PCLO: variants seen among roughly 807,000 people sequenced by gnomAD.
The protein encoded by PCLO is piccolo presynaptic cytomatrix protein.
A neutral mutation model predicts 427.5 loss-of-function variants in PCLO; 82 were observed. The ratio of observed to expected loss-of-function variants is 0.19; its 90% confidence interval spans 0.16 to 0.23. The LOEUF is 0.23. PCLO is among the 10% of genes least tolerant of loss of function. The pLI, the probability that PCLO is intolerant of heterozygous loss-of-function variation, is 1.00. For missense variants in PCLO, 6,239 were observed against 6,115.9 expected (o/e 1.02, Z -0.67); for synonymous variants, 2,357 against 2,155.4 (o/e 1.09, Z -2.59).
In PCLO at chr7:83,043,912, CTTTT is replaced by C. The variant is rs869061778; in HGVS notation, c.3301-77429_3301-77426del. On this transcript the variant is annotated intron_variant, in intron 3 of 24. Coordinates refer to ENST00000333891, the MANE Select transcript of PCLO (RefSeq NM_033026.6). The stretch of plus-strand genomic sequence containing the variant: ...AACTCAATCTTATTACTATTATTTT[CTTTT>C]TTTTTTTTTTTTTTTTTTTGCATTC... Among the ~76,000 whole-genome samples, 90 of 94,916 alleles carry C rather than the reference CTTTT, an allele frequency of 9.5e-4. 2 individuals are homozygous for C. Among genetic ancestry groups the C allele is most frequent in the Admixed American group, 9.0e-3 (65 of 7,210 alleles). The allele number at this position is 94,916 out of a possible 152,430, so 62.3% of individuals were successfully genotyped here. A position where few individuals can be genotyped will look rare whatever the true frequency, so the allele number is the denominator to read the frequency against.
intron 9 of PCLO, among the ~76,000 whole-genome samples, chr7:82,894,051 T>C (rs541984092): frequency 1.3e-5 from 2 of 152,136 alleles, no homozygotes; most frequent in African/African-American, 4.8e-5. Flanking sequence ...CAAAACAATT[T>C]TGAGAATGAG....
At chr7:82,938,630 T>G (rs1214340594) in intron 6 of PCLO, among the ~76,000 whole-genome samples, 3 of 151,952 alleles carry the variant, frequency 2.0e-5, no homozygotes, top group Non-Finnish European at 4.4e-5. Flanking sequence ...AAACATTTAC[T>G]TAAAGACTAT....
At chr7:82,967,879 G>A (rs1425771763) in intron 3 of PCLO, among the ~76,000 whole-genome samples, 5 of 152,298 alleles carry the variant, frequency 3.3e-5, no homozygotes, top group African/African-American at 7.2e-5. Flanking sequence ...CAGGGTTAGA[G>A]TGTCATACAA....
At chr7:83,088,172 T>C (rs916262131) in intron 3 of PCLO, among the ~76,000 whole-genome samples, 3 of 152,198 alleles carry the variant, frequency 2.0e-5, no homozygotes, top group Admixed American at 6.5e-5. Flanking sequence ...TTTAGTGAAA[T>C]GCCAACTTGT....
At chr7:83,101,602 AGTGT>A (rs971170365) in intron 3 of PCLO, among the ~76,000 whole-genome samples, 10 of 152,142 alleles carry the variant, frequency 6.6e-5, no homozygotes, top group African/African-American at 2.4e-4. Context: ...ACAGTTGATG[AGTGT>A]TAGTTAGCTA....
chr7:82,870,467 C>T (rs572671687), intron 10 of PCLO, among the ~76,000 whole-genome samples: 4 of 152,028 alleles, frequency 2.6e-5, no homozygotes, highest in Admixed American at 6.6e-5. Flanking sequence ...AATTTAAGAC[C>T]TGAGCTTATG....
chr7:82,847,340 C>A, intron 10 of PCLO, 93 bp from the exon 11 acceptor site: 2 of 659,492 alleles, frequency 3.0e-6, no homozygotes, highest in South Asian at 3.7e-5. Flanking sequence ...ATTTAGAAGT[C>A]AACTCAGCAC....
intron 9 of PCLO, among the ~76,000 whole-genome samples, chr7:82,899,178 C>T (rs1314785438): frequency 1.3e-5 from 2 of 151,232 alleles, no homozygotes; most frequent in Admixed American, 6.6e-5. Context: ...TTAAAAAATA[C>T]ATAAACTCAA....
At chr7:83,096,325 C>A (rs1473585318) in intron 3 of PCLO, among the ~76,000 whole-genome samples, 3 of 152,052 alleles carry the variant, frequency 2.0e-5, no homozygotes, top group Non-Finnish European at 4.4e-5. Context: ...TCCACATCTG[C>A]ACTTCAGAAA....
At chr7:82,846,146 A>G (rs1301063883) in intron 12 of PCLO, among the ~76,000 whole-genome samples, 1 of 152,098 alleles carries the variant, frequency 6.6e-6, no homozygotes, top group Non-Finnish European at 1.5e-5. Context: ...TGTTTACTAT[A>G]AAAAGGCAAT....
At chr7:83,057,081 CAT>C (rs34120621) in intron 3 of PCLO, among the ~76,000 whole-genome samples, 12 of 149,252 alleles carry the variant, frequency 8.0e-5, no homozygotes, top group South Asian at 6.3e-4. Flanking sequence ...TTTCTTTAAC[CAT>C]ATATATATAT....
intron 6 of PCLO, among the ~76,000 whole-genome samples, chr7:82,932,504 A>C (rs1794862392): frequency 6.6e-6 from 1 of 152,162 alleles, no homozygotes; most frequent in African/African-American, 2.4e-5. Context: ...GAATGTTTAC[A>C]TGTTATTGCC....
intron 6 of PCLO, among the ~76,000 whole-genome samples, chr7:82,926,446 T>A (rs1794714205): frequency 6.6e-6 from 1 of 152,192 alleles, no homozygotes; most frequent in Admixed American, 6.5e-5. Context: ...AACTAAATTA[T>A]AGGACCCTAT....
intron 3 of PCLO, among the ~76,000 whole-genome samples, chr7:83,011,297 A>T (rs1788070999): frequency 6.6e-6 from 1 of 151,626 alleles, no homozygotes; most frequent in African/African-American, 2.4e-5. Flanking sequence ...GCTAAATTTT[A>T]TATTTTTTTC....
At chr7:83,013,999 C>G (rs1788148621) in intron 3 of PCLO, among the ~76,000 whole-genome samples, 1 of 152,042 alleles carries the variant, frequency 6.6e-6, no homozygotes, top group African/African-American at 2.4e-5. Context: ...CCACTAGCAC[C>G]TGCAAAACAA....
chr7:83,023,354 A>G (rs545163864), intron 3 of PCLO, among the ~76,000 whole-genome samples: 1 of 152,346 alleles, frequency 6.6e-6, no homozygotes, highest in African/African-American at 2.4e-5. Context: ...ACCCAGAAAC[A>G]ATTCGAAATG....
At chr7:83,058,966 T>G (rs1789471151) in intron 3 of PCLO, among the ~76,000 whole-genome samples, 1 of 151,986 alleles carries the variant, frequency 6.6e-6, no homozygotes, top group African/African-American at 2.4e-5. Flanking sequence ...TCCCCCCTCC[T>G]TAAAAGGAAT....
intron 3 of PCLO, among the ~76,000 whole-genome samples, chr7:82,971,648 A>T (rs1795909689): frequency 6.8e-6 from 1 of 147,974 alleles, no homozygotes. Flanking sequence ...TTTCATTTTA[A>T]GGTGCTGTTT....
intron 18 of PCLO, among the ~76,000 whole-genome samples, chr7:82,826,060 G>C (rs1346293665): frequency 6.6e-6 from 1 of 150,760 alleles, no homozygotes; most frequent in Non-Finnish European, 1.5e-5. Context: ...TATATTTATG[G>C]GGTATATGAG....
Sources: allele counts gnomAD v4.1 joint callset (sites outside exome capture counted in the v4.1 genomes callset), GRCh38; gene constraint gnomAD v4.1.1; transcripts MANE v1.5; gene names NCBI Gene and HGNC (gene_info 2026-07-23, HGNC 2026-07-21).